The following MXI1 variants were observed in gnomAD, a reference collection of about 807,000 sequenced individuals.
MXI1 encodes the protein max-interacting protein 1.
Under a neutral mutation model 36.9 loss-of-function variants are expected in MXI1, and 18 were observed. The ratio of observed to expected loss-of-function variants is 0.49; its 90% CI spans 0.34 to 0.72. MXI1 has a LOEUF of 0.72. Among genes scored for constraint, MXI1 ranks in the 30% least tolerant of loss-of-function variants. MXI1 has a pLI of 0.01. For missense variants in MXI1, 304 were observed against 379.1 expected (o/e 0.80, Z 1.64); for synonymous variants, 160 against 146.7 (o/e 1.09, Z -0.65).
At chr10:110,249,817 T>C (rs756329184) in intron 3 of MXI1, among the ~76,000 whole-genome samples, 12 of 152,118 alleles carry the variant, frequency 7.9e-5, no homozygotes, top group African/African-American at 2.4e-4. Flanking sequence ...CTTCTCTGAG[T>C]TATGATAAAA....
chr10:110,216,665 G>GTTTTTTGTTTTGTTTTGTTTTTTT (rs1554853670), intron 1 of MXI1, among the ~76,000 whole-genome samples: 4 of 79,060 alleles, frequency 5.1e-5, no homozygotes, highest in South Asian at 1.0e-3. Context: ...TGTGTTTAAT[G>GTTTTTTGTTTTGTTTTGTTTTTTT]TTTTTTTTTT....
intron 1 of MXI1, chr10:110,210,135 G>T: frequency 2.1e-6 from 1 of 477,586 alleles, no homozygotes; most frequent in Non-Finnish European, 2.7e-6. Context: ...GCAGAGAGCC[G>T]GGCGCGCCGG....
chr10:110,246,035 A>T (rs1855852318), intron 3 of MXI1, among the ~76,000 whole-genome samples: 1 of 152,102 alleles, frequency 6.6e-6, no homozygotes, highest in South Asian at 2.1e-4. Context: ...GATTAGATTA[A>T]TAGCAGCCAG....
At chr10:110,225,781 C>T (rs1564707606) in intron 1 of MXI1, among the ~76,000 whole-genome samples, 2 of 152,204 alleles carry the variant, frequency 1.3e-5, no homozygotes, top group Non-Finnish European at 2.9e-5. Flanking sequence ...CTTAGTCTTC[C>T]CTAGAGACAG....
chr10:110,273,066 G>A (rs1461701671), intron 3 of MXI1, among the ~76,000 whole-genome samples: 1 of 80,674 alleles, frequency 1.2e-5, no homozygotes. Flanking sequence ...TTTTTTTTGT[G>A]AGATGGAGTC....
intron 1 of MXI1, chr10:110,227,704 G>A: frequency 3.5e-6 from 1 of 282,600 alleles, no homozygotes; most frequent in Non-Finnish European, 5.5e-6. Flanking sequence ...AGCCCAAGGG[G>A]CTGTAGAGAT....
At chr10:110,247,096 A>G (rs1855895343) in intron 3 of MXI1, among the ~76,000 whole-genome samples, 1 of 152,146 alleles carries the variant, frequency 6.6e-6, no homozygotes, top group Non-Finnish European at 1.5e-5. Flanking sequence ...GACTCTCTTT[A>G]GTAACTATTT....
At chr10:110,276,280 C>T (rs1857025700) in intron 3 of MXI1, among the ~76,000 whole-genome samples, 2 of 152,228 alleles carry the variant, frequency 1.3e-5, no homozygotes, top group South Asian at 4.1e-4. Context: ...ATTTGAACCT[C>T]TTTTACAGGT....
At chr10:110,226,125 C>T (rs1282859798) in intron 1 of MXI1, 2 of 1,251,280 alleles carry the variant, frequency 1.6e-6, no homozygotes, top group African/African-American at 1.6e-5. Context: ...TGTTCCGGAA[C>T]GGCGCCCGGC....
intron 1 of MXI1, among the ~76,000 whole-genome samples, chr10:110,225,624 C>T (rs1854933982): frequency 6.6e-6 from 1 of 152,202 alleles, no homozygotes; most frequent in South Asian, 2.1e-4. Flanking sequence ...AAGAATGTCT[C>T]AGCCCCTGGG....
chr10:110,267,468 T>A (rs1856713706), intron 3 of MXI1, among the ~76,000 whole-genome samples: 1 of 152,246 alleles, frequency 6.6e-6, no homozygotes, highest in Non-Finnish European at 1.5e-5. Flanking sequence ...GTCATTTTTC[T>A]TCAGAATTGT....
intron 2 of MXI1, among the ~76,000 whole-genome samples, chr10:110,230,639 A>G (rs971022555): frequency 6.6e-6 from 1 of 152,236 alleles, no homozygotes; most frequent in African/African-American, 2.4e-5. Flanking sequence ...CTTATTTAAA[A>G]TGCCTGCTTC....
intron 2 of MXI1, among the ~76,000 whole-genome samples, chr10:110,234,469 A>G (rs1855386005): frequency 6.6e-6 from 1 of 152,140 alleles, no homozygotes; most frequent in Admixed American, 6.5e-5. Flanking sequence ...AGCATTACCC[A>G]TAATATCAAA....
At chr10:110,268,945 C>T (rs901642592) in intron 3 of MXI1, among the ~76,000 whole-genome samples, 1 of 152,130 alleles carries the variant, frequency 6.6e-6, no homozygotes, top group Admixed American at 6.5e-5. Context: ...TTATTAACAA[C>T]AACAACAACA....
intron 3 of MXI1, among the ~76,000 whole-genome samples, chr10:110,270,975 C>G (rs2134450487): frequency 6.6e-6 from 1 of 151,958 alleles, no homozygotes; most frequent in Non-Finnish European, 1.5e-5. Flanking sequence ...GCCTGTAATC[C>G]CAGCTACTCA....
Position 110,247,896 on chromosome 10 carries a change from G to A in MXI1, c.437+3039G>A, listed in dbSNP as rs1359168578. 2.0e-5 allele frequency among the ~76,000 whole-genome samples: 3 copies of A among 152,244 alleles called. No individual in the cohort carries two copies. The South Asian group carries it at 6.2e-4, about 32-fold the overall frequency. ...TGCTGCTATAAAGACACATGCACAC[G>A]TATGTTTATTGTGGCACTATTCACA... is the stretch of plus-strand genomic sequence containing the variant. On this transcript the variant is annotated intron_variant, in intron 3 of 5. Coordinates refer to ENST00000332674, the MANE Select transcript of MXI1 (RefSeq NM_130439.3).
intron 1 of MXI1, among the ~76,000 whole-genome samples, chr10:110,219,820 A>T (rs141284153): frequency 7.9e-5 from 12 of 152,344 alleles, no homozygotes; most frequent in Non-Finnish European, 1.6e-4. Flanking sequence ...ATGCTTAAGG[A>T]ATATTTATTG....
At chr10:110,216,577 G>C (rs1854639653) in intron 1 of MXI1, among the ~76,000 whole-genome samples, 1 of 151,378 alleles carries the variant, frequency 6.6e-6, no homozygotes, top group Admixed American at 6.6e-5. Flanking sequence ...TTTGGTTCTA[G>C]CTATCATTAT....
chr10:110,250,201 A>T (rs1856026639), intron 3 of MXI1, among the ~76,000 whole-genome samples: 1 of 152,120 alleles, frequency 6.6e-6, no homozygotes, highest in African/African-American at 2.4e-5. Flanking sequence ...CTTGTTGGTT[A>T]TACTGAGTAT....
Sources: allele counts gnomAD v4.1 joint callset (sites outside exome capture counted in the v4.1 genomes callset), GRCh38; gene constraint gnomAD v4.1.1; transcripts MANE v1.5; gene names NCBI Gene and HGNC (gene_info 2026-07-23, HGNC 2026-07-21).